Variants in AGBL1 observed in about 807,000 individuals in gnomAD.
The protein encoded by AGBL1 is AGBL carboxypeptidase 1.
AGBL1 carries 130 observed loss-of-function variants against 118.9 expected under a neutral mutation model. The observed-to-expected ratio is 1.09, with a 90% CI of 0.95 to 1.26. AGBL1 has a LOEUF of 1.26. Ranked by LOEUF, AGBL1 falls within the 50% of genes most tolerant of loss-of-function variation. The probability of loss-of-function intolerance (pLI) is 0.00; values close to 1 mark genes in which losing one functional copy is unlikely to be tolerated. For missense variants in AGBL1, 1,584 were observed against 1,298.1 expected (o/e 1.22, Z -3.38); for synonymous variants, 555 against 478.9 (o/e 1.16, Z -2.08).
intron 18 of AGBL1, among the ~76,000 whole-genome samples, chr15:86,415,346 G>A (rs2081676977): frequency 6.6e-6 from 1 of 152,100 alleles, no homozygotes; most frequent in African/African-American, 2.4e-5. Context: ...GGTCCTAACG[G>A]TACTCTGAGG....
At chr15:86,726,737 A>G (rs773713242) in intron 22 of AGBL1, among the ~76,000 whole-genome samples, 2 of 151,840 alleles carry the variant, frequency 1.3e-5, no homozygotes, top group Non-Finnish European at 1.5e-5. Context: ...AATTGTTTTT[A>G]TTTATTCTGT....
At chr15:86,944,837 G>A (rs2080797952) in intron 23 of AGBL1, among the ~76,000 whole-genome samples, 1 of 152,068 alleles carries the variant, frequency 6.6e-6, no homozygotes, top group South Asian at 2.1e-4. Context: ...CTTTAAGATA[G>A]AGTGACAATA....
At chr15:86,700,274 T>A (rs1047673464) in intron 22 of AGBL1, among the ~76,000 whole-genome samples, 32 of 152,062 alleles carry the variant, frequency 2.1e-4, no homozygotes, top group African/African-American at 7.0e-4. Flanking sequence ...TGTTGTATCC[T>A]TTTGTTATGT....
In AGBL1 at chr15:86,908,904, C is replaced by G. The variant is rs999765806; in HGVS notation, c.*1610C>G. 2 of 152,174 alleles carry G rather than the reference C, an allele frequency of 1.3e-5. No individual in the cohort carries two copies. The highest frequency in any genetic ancestry group is 6.5e-5 in the Admixed American group (1 of 15,268). 9.4% of individuals were successfully genotyped at this position (152,174 alleles called of 1,614,324 possible). On this transcript the variant is annotated 3_prime_UTR_variant, in exon 23 of 23. Transcript: ENST00000614907. ...TTTCATAAGGCATAAGTCTATTTCT[C>G]TTTCCTGTGGAATTTTACACACTGG...
At chr15:86,254,150 T>C (rs1451072347) in intron 7 of AGBL1, among the ~76,000 whole-genome samples, 1 of 152,236 alleles carries the variant, frequency 6.6e-6, no homozygotes, top group African/African-American at 2.4e-5. Flanking sequence ...GACTCTGCTC[T>C]GCGTAGCAGT....
chr15:86,916,461 A>C, downstream of AGBL1, among the ~76,000 whole-genome samples: 1 of 152,142 alleles, frequency 6.6e-6, no homozygotes, highest in Admixed American at 6.5e-5. Flanking sequence ...GTACATCCAG[A>C]GTCCAGAAAA....
At chr15:86,782,208 A>G (rs574802639) in intron 22 of AGBL1, among the ~76,000 whole-genome samples, 3 of 152,164 alleles carry the variant, frequency 2.0e-5, no homozygotes, top group Non-Finnish European at 4.4e-5. Context: ...AAGGGCCTTG[A>G]CTCATTTCAA....
chr15:86,393,604 G>A (rs1420278388), intron 17 of AGBL1, among the ~76,000 whole-genome samples: 1 of 152,164 alleles, frequency 6.6e-6, no homozygotes, highest in Non-Finnish European at 1.5e-5. Flanking sequence ...CCAACTGTGA[G>A]CAAATGATAT....
chr15:86,695,263 A>G (rs530122335), intron 22 of AGBL1, among the ~76,000 whole-genome samples: 4 of 152,020 alleles, frequency 2.6e-5, no homozygotes, highest in African/African-American at 4.8e-5. Flanking sequence ...TACCATTTCA[A>G]TCTTGCTGCT....
At chr15:86,804,025 G>A (rs1459411801) in intron 22 of AGBL1, among the ~76,000 whole-genome samples, 1 of 152,052 alleles carries the variant, frequency 6.6e-6, no homozygotes, top group African/African-American at 2.4e-5. Context: ...ATGGTTTGGT[G>A]AGTAGATTTC....
intron 18 of AGBL1, among the ~76,000 whole-genome samples, chr15:86,409,978 C>T (rs1020898178): frequency 1.5e-4 from 23 of 152,154 alleles, no homozygotes; most frequent in African/African-American, 5.3e-4. Flanking sequence ...AGACATCTCT[C>T]TTCTTAGCAT....
chr15:86,742,161 A>T (rs1303100933), intron 22 of AGBL1, among the ~76,000 whole-genome samples: 2 of 152,154 alleles, frequency 1.3e-5, no homozygotes, highest in Non-Finnish European at 2.9e-5. Context: ...TATTGGGCAT[A>T]CATAAAGAAA....
At position 86,271,776 on chromosome 15, in the gene AGBL1, A is replaced by G. The variant is rs536721471; in HGVS notation, c.2075+70A>G. ...TTCTCTCAATTTCCCACTTTTCCATATTGATCTTATAAACATCAGCAATCT... is the reference window on the plus strand; with the variant it reads ...TTCTCTCAATTTCCCACTTTTCCATGTTGATCTTATAAACATCAGCAATCT... On this transcript the variant is annotated intron_variant, in intron 15 of 22. Transcript: ENST00000614907. The G allele has an allele frequency of 1.1e-4, 149 of 1,400,694 alleles. No homozygotes were observed. The African/African-American group carries it at 1.9e-3, about 18-fold the overall frequency. The allele number at this position is 1,400,694 out of a possible 1,614,324, so 86.8% of individuals were successfully genotyped here.
chr15:86,700,468 TACACACAC>T (rs67457435), intron 22 of AGBL1, among the ~76,000 whole-genome samples: 4,787 of 114,694 alleles, frequency 0.042, 215 homozygotes, highest in African/African-American at 0.15. Context: ...AGCAGACTAA[TACACACAC>T]ACACACACAC....
intron 17 of AGBL1, among the ~76,000 whole-genome samples, chr15:86,309,799 G>C (rs1270558463): frequency 1.3e-5 from 2 of 152,182 alleles, no homozygotes. Context: ...CATGGTGTAT[G>C]ATGTTTTAAT....
chr15:86,901,561 A>T (rs1432828788), intron 22 of AGBL1, among the ~76,000 whole-genome samples: 5 of 152,156 alleles, frequency 3.3e-5, no homozygotes, highest in Non-Finnish European at 5.9e-5. Context: ...CAACTTATAA[A>T]GAGTCCTAAG....
intron 17 of AGBL1, among the ~76,000 whole-genome samples, chr15:86,382,741 C>T (rs1409330066): frequency 1.3e-5 from 2 of 151,572 alleles, no homozygotes; most frequent in Non-Finnish European, 2.9e-5. Context: ...CATTTCCTAC[C>T]AGAAACCAGC....
rs1365048330 is a variant in AGBL1 at position 86,754,160 on chromosome 15, CTA to C, written c.3158+79726_3158+79727del. Among the ~76,000 whole-genome samples, 11 of 152,154 alleles carry C rather than the reference CTA, an allele frequency of 7.2e-5. No homozygotes were observed. The East Asian group carries it at 1.9e-3, about 27-fold the overall frequency. Reference sequence around the variant, plus strand: ...TTTTATGTTTGTGCAGATTTAAACACTATTATTTTAAAATTATCAACAAATTT... The same window carrying C: ...TTTTATGTTTGTGCAGATTTAAACACTTATTTTAAAATTATCAACAAATTT... On this transcript the variant is annotated intron_variant, in intron 22 of 22. Transcript: ENST00000614907.
At chr15:86,954,932 T>A (rs1296315596) in intron 23 of AGBL1, among the ~76,000 whole-genome samples, 2 of 152,220 alleles carry the variant, frequency 1.3e-5, no homozygotes, top group Non-Finnish European at 1.5e-5. Context: ...ACATTAGTGG[T>A]TGCTTTAGAG....
Sources: allele counts gnomAD v4.1 joint callset (sites outside exome capture counted in the v4.1 genomes callset), GRCh38; gene constraint gnomAD v4.1.1; transcripts MANE v1.5; gene names NCBI Gene and HGNC (gene_info 2026-07-23, HGNC 2026-07-21).